The following SLC16A12 variants were observed in gnomAD, a reference collection of about 807,000 sequenced individuals.
SLC16A12 encodes solute carrier family 16 member 12, also known as monocarboxylate transporter 12.
Under a neutral mutation model 42.4 loss-of-function variants are expected in SLC16A12, and 17 were observed. The ratio of observed to expected loss-of-function variants is 0.40; its 90% confidence interval spans 0.27 to 0.60. The LOEUF is 0.60. Ranked by LOEUF, SLC16A12 falls within the 20% of genes least tolerant of loss-of-function variation. The probability of loss-of-function intolerance (pLI) is 0.42; values close to 1 mark genes in which losing one functional copy is unlikely to be tolerated. For synonymous variants in SLC16A12, 224 were observed against 229.4 expected (o/e 0.98, Z 0.21); for missense variants, 544 against 623.0 (o/e 0.87, Z 1.35).
chr10:89,478,547 G>C (rs1286317288), intron 2 of SLC16A12, among the ~76,000 whole-genome samples: 1 of 152,202 alleles, frequency 6.6e-6, no homozygotes, highest in African/African-American at 2.4e-5. Context: ...AGATCAAGTT[G>C]CTGATGTTTA....
At chr10:89,489,329 C>CTTTAT (rs996024622) in intron 2 of SLC16A12, among the ~76,000 whole-genome samples, 13 of 151,896 alleles carry the variant, frequency 8.6e-5, no homozygotes, top group African/African-American at 2.2e-4. Flanking sequence ...ACTTATTTTA[C>CTTTAT]TTTATTTTAT....
rs1194205966 is a variant in SLC16A12 at position 89,483,188 on chromosome 10, A to G, written c.-46-20564T>C. On this transcript the variant is annotated intron_variant, in intron 2 of 7. Coordinates refer to ENST00000371790, the MANE Select transcript of SLC16A12 (RefSeq NM_213606.4). ...GGAGAGGGGGTGTGAGTTCTCTGGC[A>G]TCTCTTCTAAGGACACTAGTCCTAT... Among the ~76,000 whole-genome samples, 5 of 152,026 alleles carry G rather than the reference A, an allele frequency of 3.3e-5. No individual in the cohort carries two copies. In the East Asian group the frequency reaches 9.6e-4, roughly 29 times the overall value.
At chr10:89,512,598 C>T (rs1843181056) in intron 2 of SLC16A12, among the ~76,000 whole-genome samples, 1 of 152,204 alleles carries the variant, frequency 6.6e-6, no homozygotes, top group Non-Finnish European at 1.5e-5. Flanking sequence ...AGAGAGCCTC[C>T]AAGCTGGTGA....
chr10:89,463,603 A>G (rs1222255365), intron 2 of SLC16A12, among the ~76,000 whole-genome samples: 1 of 152,218 alleles, frequency 6.6e-6, no homozygotes, highest in Non-Finnish European at 1.5e-5. Context: ...AAACAAACCA[A>G]GATAAAAAAA....
intron 3 of SLC16A12, among the ~76,000 whole-genome samples, chr10:89,455,036 G>A (rs1285636477): frequency 6.6e-6 from 1 of 152,150 alleles, no homozygotes; most frequent in Non-Finnish European, 1.5e-5. Context: ...AAATGATTGA[G>A]TAGCAACTTC....
At chr10:89,548,357 C>T (rs962974022) in intron 2 of SLC16A12, among the ~76,000 whole-genome samples, 1 of 151,946 alleles carries the variant, frequency 6.6e-6, no homozygotes, top group Non-Finnish European at 1.5e-5. Flanking sequence ...AGTGAAGTAC[C>T]CAGCAAACTG....
chr10:89,531,205 C>A (rs917134229), intron 2 of SLC16A12, among the ~76,000 whole-genome samples: 15 of 151,004 alleles, frequency 9.9e-5, no homozygotes, highest in African/African-American at 3.2e-4. Flanking sequence ...GCCTTGCCAA[C>A]ATGGTGATAT....
intron 2 of SLC16A12, among the ~76,000 whole-genome samples, chr10:89,517,602 C>T (rs1004136667): frequency 1.3e-5 from 2 of 152,116 alleles, no homozygotes; most frequent in African/African-American, 4.8e-5. Flanking sequence ...TGAGCCATTG[C>T]ACCTGGCTCC....
At chr10:89,497,539 T>C (rs2133816394) in intron 2 of SLC16A12, among the ~76,000 whole-genome samples, 1 of 152,246 alleles carries the variant, frequency 6.6e-6, no homozygotes, top group East Asian at 1.9e-4. Context: ...GAGGAAGAAT[T>C]CTACATGGTG....
At chr10:89,492,062 A>G (rs1259287051) in intron 2 of SLC16A12, among the ~76,000 whole-genome samples, 1 of 152,230 alleles carries the variant, frequency 6.6e-6, no homozygotes, top group Non-Finnish European at 1.5e-5. Context: ...AGTTATGACG[A>G]GGAGGAAATA....
rs1841955261 is a variant in SLC16A12, at chr10:89,443,838, C to T, written c.222G>A (p.Val74=). 6.2e-7 allele frequency: 1 copy of T among 1,612,304 alleles called. No individual in the cohort carries two copies. Among genetic ancestry groups the T allele is most frequent in the Non-Finnish European group, 8.5e-7 (1 of 1,178,524 alleles). ...AVTRCISIFF[V]EFQTYFTQDY... ...CCTGAGTGAAGTATGTCTGGAACTC[C>T]ACAAAAAAAATTGAGATACATCTGA... Residue 74 remains valine (V), a synonymous_variant, in exon 4 of 8, where the codon GTG becomes GTA. Coordinates refer to ENST00000371790, the MANE Select transcript of SLC16A12 (RefSeq NM_213606.4).
intron 2 of SLC16A12, among the ~76,000 whole-genome samples, chr10:89,514,282 A>T (rs1479063929): frequency 6.6e-6 from 1 of 152,260 alleles, no homozygotes; most frequent in African/African-American, 2.4e-5. Flanking sequence ...GGCCAGAAAG[A>T]TAAAGAGCAG....
chr10:89,483,129 G>T (rs1265597440), intron 2 of SLC16A12, among the ~76,000 whole-genome samples: 1 of 152,008 alleles, frequency 6.6e-6, no homozygotes, highest in Non-Finnish European at 1.5e-5. Context: ...ATGTGCTCAC[G>T]TGGCCTTTCT....
chr10:89,493,739 A>G (rs1021835969), intron 2 of SLC16A12, among the ~76,000 whole-genome samples: 1 of 152,178 alleles, frequency 6.6e-6, no homozygotes, highest in East Asian at 1.9e-4. Flanking sequence ...CCAGTGTTTT[A>G]CAGGCCTAAA....
chr10:89,462,753 T>A (rs943880281), intron 2 of SLC16A12, 129 bp from the exon 3 acceptor site: 2 of 1,013,856 alleles, frequency 2.0e-6, no homozygotes, highest in Non-Finnish European at 2.8e-6. Flanking sequence ...AATACTAGAC[T>A]GGGGCAGACT....
intron 2 of SLC16A12, among the ~76,000 whole-genome samples, chr10:89,489,286 C>T (rs1842811694): frequency 6.6e-6 from 1 of 152,100 alleles, no homozygotes; most frequent in Admixed American, 6.6e-5. Context: ...TTGGCCACTG[C>T]TGAGGATTAT....
chr10:89,518,211 A>G (rs1202960763), intron 2 of SLC16A12, among the ~76,000 whole-genome samples: 1 of 152,208 alleles, frequency 6.6e-6, no homozygotes, highest in Non-Finnish European at 1.5e-5. Context: ...TTGGGAAGTC[A>G]GAACAGTGCA....
intron 3 of SLC16A12, among the ~76,000 whole-genome samples, chr10:89,447,619 G>A (rs1265528770): frequency 6.6e-6 from 1 of 151,862 alleles, no homozygotes; most frequent in South Asian, 2.1e-4. Context: ...TGTGTAGAGG[G>A]AAATTTATAC....
At chr10:89,501,386 T>A (rs1842989182) in intron 2 of SLC16A12, among the ~76,000 whole-genome samples, 1 of 152,116 alleles carries the variant, frequency 6.6e-6, no homozygotes, top group South Asian at 2.1e-4. Context: ...AGGCATCACA[T>A]TATCCAATTT....
Sources: allele counts gnomAD v4.1 joint callset (sites outside exome capture counted in the v4.1 genomes callset), GRCh38; gene constraint gnomAD v4.1.1; transcripts MANE v1.5; gene names NCBI Gene and HGNC (gene_info 2026-07-23, HGNC 2026-07-21).